SNTG2: variants seen among roughly 807,000 people sequenced by gnomAD.
The protein encoded by SNTG2 is gamma-2-syntrophin.
SNTG2 carries 74 observed loss-of-function variants against 70.9 expected under a neutral mutation model. The ratio of observed to expected loss-of-function variants is 1.04; its 90% CI spans 0.86 to 1.27. The LOEUF (loss-of-function observed/expected upper bound fraction) is 1.27. Among genes scored for constraint, SNTG2 ranks in the 50% most tolerant of loss-of-function variants. SNTG2 has a pLI of 0.00. For missense variants in SNTG2, 717 were observed against 690.7 expected (o/e 1.04, Z -0.43); for synonymous variants, 278 against 273.8 (o/e 1.02, Z -0.15).
At chr2:1,272,704 TGCAGAAAGGACACCCCAGGGAGC>T (rs1191316181) in intron 14 of SNTG2, among the ~76,000 whole-genome samples, 7 of 110,740 alleles carry the variant, frequency 6.3e-5, no homozygotes, top group African/African-American at 2.3e-4. Context: ...AGGGAGCGGG[TGCAGAAAGGACACCCCAGGGAGC>T]GGGTGCAGAA....
chr2:1,238,110 C>A, intron 10 of SNTG2, 93 bp downstream of exon 10: 1 of 1,436,634 alleles, frequency 7.0e-7, no homozygotes, highest in South Asian at 1.3e-5. Context: ...ATGATTAACC[C>A]GAAACAGAAA....
chr2:1,003,673 C>T (rs960061456), intron 1 of SNTG2, among the ~76,000 whole-genome samples: 1 of 152,134 alleles, frequency 6.6e-6, no homozygotes, highest in Non-Finnish European at 1.5e-5. Flanking sequence ...AGAACCTGTT[C>T]CAGTGATGTC....
At chr2:1,261,547 G>A (rs929255325) in intron 13 of SNTG2, among the ~76,000 whole-genome samples, 6 of 152,152 alleles carry the variant, frequency 3.9e-5, no homozygotes, top group Admixed American at 3.3e-4. Context: ...GATTGCAGTC[G>A]TGAGAGAAAT....
intron 1 of SNTG2, among the ~76,000 whole-genome samples, chr2:1,016,234 CT>C (rs1334867714): frequency 2.0e-5 from 3 of 151,750 alleles, no homozygotes; most frequent in Non-Finnish European, 2.9e-5. Flanking sequence ...TTGCAGACAA[CT>C]TTTTTTTGTT....
At chr2:1,150,467 T>C (rs186942782) in intron 6 of SNTG2, among the ~76,000 whole-genome samples, 13 of 152,214 alleles carry the variant, frequency 8.5e-5, no homozygotes, top group African/African-American at 3.1e-4. Flanking sequence ...TGGCTCTAAT[T>C]GGTGGGTGAC....
intron 16 of SNTG2, among the ~76,000 whole-genome samples, chr2:1,360,653 A>AAC (rs1553286954): frequency 2.1e-4 from 32 of 151,086 alleles, no homozygotes; most frequent in Non-Finnish European, 3.1e-4. Context: ...CAAACAAACA[A>AAC]AAAAAAAGTC....
At chr2:1,086,050 A>C (rs1664664665) in intron 2 of SNTG2, among the ~76,000 whole-genome samples, 1 of 152,240 alleles carries the variant, frequency 6.6e-6, no homozygotes, top group South Asian at 2.1e-4. Context: ...CTAATATTAC[A>C]GTTACTCACA....
intron 11 of SNTG2, among the ~76,000 whole-genome samples, chr2:1,245,170 T>C: frequency 6.7e-6 from 1 of 148,598 alleles, no homozygotes; most frequent in African/African-American, 2.5e-5. Context: ...TACCTAATGC[T>C]AGATGACACG....
intron 16 of SNTG2, among the ~76,000 whole-genome samples, chr2:1,323,933 T>G (rs898071560): frequency 2.1e-5 from 3 of 142,368 alleles, no homozygotes; most frequent in Non-Finnish European, 3.1e-5. Context: ...CCAACCCAGG[T>G]TAGTCAGGGA....
chr2:1,031,708 A>G (rs1414718834), intron 1 of SNTG2, among the ~76,000 whole-genome samples: 2 of 151,242 alleles, frequency 1.3e-5, no homozygotes, highest in Admixed American at 1.3e-4. Context: ...TTTGTTTCAC[A>G]TTTCTATGTA....
chr2:1,122,137 A>G (rs576152259), intron 4 of SNTG2, among the ~76,000 whole-genome samples: 1 of 152,242 alleles, frequency 6.6e-6, no homozygotes, highest in Non-Finnish European at 1.5e-5. Context: ...AAAAGAAAGC[A>G]TGGGACCAGA....
At chr2:1,229,309 G>T (rs1375794963) in intron 9 of SNTG2, among the ~76,000 whole-genome samples, 1 of 552 alleles carries the variant, frequency 1.8e-3, no homozygotes, top group Non-Finnish European at 0.036. Context: ...TTCCCATCAG[G>T]TTAGATAGAG....
chr2:1,293,350 T>C lies in SNTG2; in HGVS notation c.1285-15144T>C, dbSNP rs549495865. 3.9e-5 allele frequency among the ~76,000 whole-genome samples: 6 copies of C among 152,188 alleles called. No individual in the cohort carries two copies. In the South Asian group the frequency reaches 1.2e-3, roughly 32 times the overall value. The stretch of plus-strand genomic sequence containing the variant: ...CTATATTGTTTTTCTATTTTGTCTT[T>C]TTAAAAATTTCTTCTTTAATCTTTA... On this transcript the variant is annotated intron_variant, in intron 14 of 16. Transcript: ENST00000308624.
intron 1 of SNTG2, among the ~76,000 whole-genome samples, chr2:1,045,654 G>T (rs1661693357): frequency 2.0e-5 from 3 of 152,078 alleles, no homozygotes; most frequent in South Asian, 4.2e-4. Flanking sequence ...CCATTCAGGG[G>T]CAGATTTTTT....
intron 1 of SNTG2, among the ~76,000 whole-genome samples, chr2:1,082,139 A>G (rs1315478081): frequency 1.3e-5 from 2 of 152,170 alleles, no homozygotes; most frequent in Non-Finnish European, 2.9e-5. Flanking sequence ...TGTGGTTCCC[A>G]TGAGTGCTGA....
chr2:1,054,035 C>T (rs1262866699), intron 1 of SNTG2, among the ~76,000 whole-genome samples: 1 of 151,876 alleles, frequency 6.6e-6, no homozygotes, highest in East Asian at 1.9e-4. Flanking sequence ...CATGTCTTGG[C>T]CTTGTTGTTT....
intron 12 of SNTG2, among the ~76,000 whole-genome samples, chr2:1,250,289 A>G (rs980107994): frequency 1.3e-5 from 2 of 152,212 alleles, no homozygotes; most frequent in Non-Finnish European, 2.9e-5. Flanking sequence ...ATAAAAAACT[A>G]GCAGACAAAC....
chr2:1,189,129 TA>T lies in SNTG2; in HGVS notation c.591+15951del, dbSNP rs1453781657. Among the ~76,000 whole-genome samples, 6 of 151,984 alleles carry T rather than the reference TA, an allele frequency of 3.9e-5. No homozygotes were observed. The East Asian group carries it at 1.2e-3, about 29-fold the overall frequency. On this transcript the variant is annotated intron_variant, in intron 8 of 16. Coordinates refer to ENST00000308624, the MANE Select transcript of SNTG2 (RefSeq NM_018968.4). ...CAATGTGACAGCATATAAGATAACA[TA>T]AAAAGTCAACTACAATTATATTCAA...
intron 11 of SNTG2, among the ~76,000 whole-genome samples, chr2:1,245,042 G>A (rs924626870): frequency 4.8e-5 from 7 of 147,186 alleles, no homozygotes; most frequent in African/African-American, 7.6e-5. Flanking sequence ...AACACCGCAT[G>A]TTCTCACTCA....
Sources: allele counts gnomAD v4.1 joint callset (sites outside exome capture counted in the v4.1 genomes callset), GRCh38; gene constraint gnomAD v4.1.1; transcripts MANE v1.5; gene names NCBI Gene and HGNC (gene_info 2026-07-23, HGNC 2026-07-21).